ALDH5A1: variants seen among roughly 807,000 people sequenced by gnomAD.
ALDH5A1 encodes aldehyde dehydrogenase 5 family member A1.
In ALDH5A1, 33 loss-of-function variants were observed where a neutral mutation model predicts 54.7. That is an observed-to-expected ratio of 0.60 (90% CI 0.46 to 0.81). The LOEUF is 0.81. Ranked by LOEUF, ALDH5A1 falls within the 30% of genes least tolerant of loss-of-function variation. The pLI, the probability that ALDH5A1 is intolerant of heterozygous loss-of-function variation, is 0.00. For synonymous variants in ALDH5A1, 294 were observed against 292.7 expected (o/e 1.00, Z -0.05); for missense variants, 657 against 711.0 (o/e 0.92, Z 0.86).
rs1224797369 is a variant in ALDH5A1, at chr6:24,495,042, G to A, written c.46G>A (p.Gly16Arg). ...WLRSCGARRL[G>R]STFPGCRLRP... ...GCGGAGCTGTGGGGCCCGGCGCCTC[G>A]GGTCGACGTTTCCAGGCTGCCGCCT... The change falls in exon 1 of 10, where the codon GGG becomes AGG. Residue 16 changes from glycine to arginine, a missense_variant. Physicochemically the swap from Gly to Arg is moderately radical, Grantham distance 125 (BLOSUM62 -2). This residue lies in a region of ALDH5A1 where 232 missense variants were observed against 194.6 expected (regional missense o/e 1.19). Coordinates refer to ENST00000357578, the MANE Select transcript of ALDH5A1 (RefSeq NM_001080.3). 5 of 1,354,660 alleles carry A rather than the reference G, an allele frequency of 3.7e-6. No individual in the cohort carries two copies. The East Asian group carries it at 1.1e-4, about 31-fold the overall frequency. The allele number at this position is 1,354,660 out of a possible 1,614,324, so 83.9% of individuals were successfully genotyped here.
intron 3 of ALDH5A1, among the ~76,000 whole-genome samples, chr6:24,503,666 A>G (rs936697445): frequency 3.3e-5 from 5 of 152,184 alleles, no homozygotes; most frequent in African/African-American, 1.2e-4. Flanking sequence ...AAGTGGGATG[A>G]GCCGCAGGAG....
At position 24,515,085 on chromosome 6, in the gene ALDH5A1, CTATT is replaced by C; in HGVS notation, c.727-76_727-73del. Reference sequence around the variant, plus strand: ...TTCCATTACTTTTTGGGTTAAGTATCTATTTATTTCTCTTTTCTTTTTTTTTTTT... The same window carrying C: ...TTCCATTACTTTTTGGGTTAAGTATCTATTTCTCTTTTCTTTTTTTTTTTT... On this transcript the variant is annotated intron_variant, in intron 4 of 9. Transcript: ENST00000357578. 4.9e-6 allele frequency: 7 copies of C among 1,433,310 alleles called. 2 individuals are homozygous for C. The South Asian group carries it at 9.5e-5, about 19-fold the overall frequency. The allele number at this position is 1,433,310 out of a possible 1,614,324, so 88.8% of individuals were successfully genotyped here.
intron 1 of ALDH5A1, among the ~76,000 whole-genome samples, chr6:24,499,167 A>G (rs905808089): frequency 2.6e-5 from 4 of 151,742 alleles, no homozygotes; most frequent in Admixed American, 1.3e-4. Flanking sequence ...ACCTGTATGT[A>G]ATCCCAGCTA....
rs1181102349 is a variant in ALDH5A1, at chr6:24,527,289, C to T, written c.1174-708C>T. ...CAGTGCATCTTTTTTAAAACAACTA[C>T]TTGGCCAGGCCTCGTGGCTCACTCC... On this transcript the variant is annotated intron_variant, in intron 7 of 9. Transcript: ENST00000357578. 2.6e-5 allele frequency among the ~76,000 whole-genome samples: 4 copies of T among 151,846 alleles called. No homozygotes were observed. The East Asian group carries it at 5.8e-4, about 22-fold the overall frequency.
At chr6:24,499,735 C>T (rs12190732) in intron 1 of ALDH5A1, among the ~76,000 whole-genome samples, 49,057 of 100,270 alleles carry the variant, frequency 0.49, 8,448 homozygotes, top group African/African-American at 0.58. Flanking sequence ...GGCGCAGTCT[C>T]GGCTCAACTG....
chr6:24,504,844 A>T, intron 3 of ALDH5A1, 25 bp from the exon 4 acceptor site: 2 of 1,604,512 alleles, frequency 1.2e-6, no homozygotes, highest in Non-Finnish European at 1.7e-6. Context: ...CCTCTCACAT[A>T]CTTCCTCTGC....
intron 1 of ALDH5A1, among the ~76,000 whole-genome samples, chr6:24,496,653 TG>T (rs1764712626): frequency 6.6e-6 from 1 of 152,216 alleles, no homozygotes; most frequent in Non-Finnish European, 1.5e-5. Flanking sequence ...GAGTCTGAGA[TG>T]TCTGTTCACG....
At chr6:24,512,749 A>G (rs1464504366) in intron 4 of ALDH5A1, among the ~76,000 whole-genome samples, 1 of 152,064 alleles carries the variant, frequency 6.6e-6, no homozygotes, top group Non-Finnish European at 1.5e-5. Context: ...GAGTGAAATG[A>G]CACAGTCTTG....
intron 7 of ALDH5A1, among the ~76,000 whole-genome samples, chr6:24,526,246 T>A (rs1223282253): frequency 1.3e-5 from 2 of 151,964 alleles, no homozygotes; most frequent in African/African-American, 4.8e-5. Context: ...TTCAGAAAGA[T>A]GAACAACCAA....
intron 4 of ALDH5A1, among the ~76,000 whole-genome samples, chr6:24,505,786 T>C (rs1759326851): frequency 6.6e-6 from 1 of 151,870 alleles, no homozygotes; most frequent in Non-Finnish European, 1.5e-5. Flanking sequence ...CTGACCAACA[T>C]GCTGAAACCC....
chr6:24,513,465 C>T (rs1581813944), intron 4 of ALDH5A1, among the ~76,000 whole-genome samples: 1 of 152,110 alleles, frequency 6.6e-6, no homozygotes, highest in African/African-American at 2.4e-5. Flanking sequence ...GAAGAAGGCC[C>T]AGTTAGGAAT....
intron 1 of ALDH5A1, among the ~76,000 whole-genome samples, chr6:24,501,721 T>C (rs1183810056): frequency 6.6e-6 from 1 of 152,060 alleles, no homozygotes; most frequent in African/African-American, 2.4e-5. Context: ...TTTTTTAAAA[T>C]TTTTTTAAAT....
At chr6:24,517,857 G>A (rs1334480481) in intron 5 of ALDH5A1, among the ~76,000 whole-genome samples, 1 of 152,222 alleles carries the variant, frequency 6.6e-6, no homozygotes, top group Non-Finnish European at 1.5e-5. Flanking sequence ...TCATAACTGA[G>A]GCATACACAG....
chr6:24,520,836 C>T (rs1432208439), intron 6 of ALDH5A1, among the ~76,000 whole-genome samples: 1 of 152,094 alleles, frequency 6.6e-6, no homozygotes, highest in Non-Finnish European at 1.5e-5. Flanking sequence ...AGGTACAGTC[C>T]CTGGCTTCAA....
Position 24,506,243 on chromosome 6 carries a change from C to CTTTTTTTTTTTTTTTTTTTTTTTTTTT in ALDH5A1, c.726+1262_726+1288dup, listed in dbSNP as rs70974913. ...TCTGCACCTCCTTCTTTCCTGGTTC[C>CTTTTTTTTTTTTTTTTTTTTTTTTTTT]TTTTTTTTTTTTTTTTTTTTTTTTT... On this transcript the variant is annotated intron_variant, in intron 4 of 9. Coordinates refer to ENST00000357578, the MANE Select transcript of ALDH5A1 (RefSeq NM_001080.3). Among the ~76,000 whole-genome samples, 10 of 52,160 alleles carry CTTTTTTTTTTTTTTTTTTTTTTTTTTT rather than the reference C, an allele frequency of 1.9e-4. 4 individuals carry two copies. The highest frequency in any genetic ancestry group is 8.1e-4 in the East Asian group (1 of 1,238). 34.2% of individuals were successfully genotyped at this position (52,160 alleles called of 152,430 possible).
intron 4 of ALDH5A1, among the ~76,000 whole-genome samples, chr6:24,506,272 T>TTTTTTTTTTG (rs1395923415): frequency 8.7e-6 from 1 of 114,548 alleles, no homozygotes; most frequent in Non-Finnish European, 1.7e-5. Context: ...TTTTTTTTTT[T>TTTTTTTTTTG]TGAGACAGTC....
At chr6:24,514,837 A>G (rs1357464599) in intron 4 of ALDH5A1, among the ~76,000 whole-genome samples, 3 of 151,898 alleles carry the variant, frequency 2.0e-5, no homozygotes, top group Admixed American at 1.3e-4. Context: ...CAGTGGCGCA[A>G]CCTTGGCTCA....
intron 4 of ALDH5A1, among the ~76,000 whole-genome samples, chr6:24,512,187 T>G (rs1478606333): frequency 1.3e-5 from 2 of 152,248 alleles, no homozygotes; most frequent in Admixed American, 6.5e-5. Context: ...GTGAACCATC[T>G]GTGGGTCTCT....
rs537117679 is a variant in ALDH5A1 at position 24,533,748 on chromosome 6, C to T, written c.*36C>T. The T allele has an allele frequency of 6.4e-7, 1 of 1,571,368 alleles. No individual in the cohort carries two copies. The highest frequency in any genetic ancestry group is 1.4e-5 in the African/African-American group (1 of 73,862). On this transcript the variant is annotated 3_prime_UTR_variant, in exon 10 of 10. Transcript: ENST00000357578. ...TTCTTTAAAAAAATTTAAAAGGAGA[C>T]TTATCTACATATATAGGTACATGCC... is the stretch of plus-strand genomic sequence containing the variant.
Sources: gnomAD v4.1 joint callset for allele counts (sites outside exome capture counted in the v4.1 genomes callset) on GRCh38, gnomAD v4.1.1 for gene constraint, gnomAD v4.1.1 regional missense constraint, MANE v1.5 for transcripts, NCBI Gene and HGNC (gene_info 2026-07-23, HGNC 2026-07-21) for gene names.